Variants in KDM1A observed in about 807,000 individuals in gnomAD.
KDM1A encodes lysine demethylase 1A, also known as lysine-specific histone demethylase 1A.
Under a neutral mutation model 109.4 loss-of-function variants are expected in KDM1A, and 49 were observed. The ratio of observed to expected loss-of-function variants is 0.45; its 90% confidence interval spans 0.36 to 0.57. The LOEUF (loss-of-function observed/expected upper bound fraction) is 0.57, where lower values mean the gene tolerates loss of function less well. Among genes scored for constraint, KDM1A ranks in the 20% least tolerant of loss-of-function variants. The pLI is 0.00. For missense variants in KDM1A, 668 were observed against 1,116.6 expected, an observed-to-expected ratio of 0.60 and a Z score of 5.73; for synonymous variants, 380 against 415.4, an observed-to-expected ratio of 0.91 and a Z score of 1.04.
chr1:23,055,741 A>C (rs139566431), intron 6 of KDM1A, among the ~76,000 whole-genome samples, 191 bp from the exon 7 acceptor site: 4 of 152,352 alleles, frequency 2.6e-5, no homozygotes, highest in African/African-American at 9.6e-5. Context: ...TTCGACACTG[A>C]ATTTGAATTC....
chr1:23,076,763 A>G (rs941635205), intron 15 of KDM1A, among the ~76,000 whole-genome samples: 4 of 152,048 alleles, frequency 2.6e-5, no homozygotes, highest in African/African-American at 7.2e-5. Flanking sequence ...GGAGTTTGAG[A>G]CCAGCCTAGC....
Position 23,019,645 on chromosome 1 carries a change from G to A in KDM1A, c.49G>A (p.Ala17Thr). Residue 17 changes from alanine to threonine, a missense_variant, in exon 1 of 21, where the codon GCA becomes ACA. This residue lies in a region of KDM1A where 156 missense variants were observed against 163.4 expected (regional missense o/e 0.95). Transcript: ENST00000400181. ...AAAAAAAAAAAATGTEAGPGT... is the reference protein window; with the variant it reads ...AAAAAAAAAATATGTEAGPGT... ...AGCCGCGGCGGCGGCGGCTGCAGCG[G>A]CAGCAACCGGGACGGAGGCTGGCCC... The A allele has an allele frequency of 7.1e-7, 1 of 1,412,698 alleles. No individual in the cohort carries two copies. Among genetic ancestry groups the A allele is most frequent in the Non-Finnish European group, 9.2e-7 (1 of 1,090,708 alleles). The allele number at this position is 1,412,698 out of a possible 1,614,324, so 87.5% of individuals were successfully genotyped here.
chr1:23,067,082 A>T (rs776173759), intron 10 of KDM1A, among the ~76,000 whole-genome samples: 20 of 152,204 alleles, frequency 1.3e-4, no homozygotes, highest in Non-Finnish European at 2.6e-4. Flanking sequence ...TACCTTCCTG[A>T]TATAAATGGC....
chr1:23,065,053 T>C (rs886811943), intron 9 of KDM1A, among the ~76,000 whole-genome samples: 2 of 152,238 alleles, frequency 1.3e-5, no homozygotes, highest in South Asian at 4.1e-4. Context: ...TCTAATGTGG[T>C]ACTTAAAACC....
At position 23,081,739 on chromosome 1, in the gene KDM1A, A is replaced by G; in HGVS notation, c.2298+166A>G. 4 of 777,774 alleles carry G rather than the reference A, an allele frequency of 5.1e-6. No individual in the cohort carries two copies. In the South Asian group the frequency reaches 8.3e-5, roughly 16 times the overall value. 48.2% of individuals were successfully genotyped at this position (777,774 alleles called of 1,614,324 possible). On this transcript the variant is annotated intron_variant, in intron 19 of 20. Coordinates refer to ENST00000400181, the MANE Select transcript of KDM1A (RefSeq NM_001009999.3). ...TTCATGGCCTAAGCGTGGGGTTCAG[A>G]AAACCCCCCAGGACAAGAGCTGGGG... is the stretch of plus-strand genomic sequence containing the variant.
At chr1:23,032,851 G>A (rs140225331) in intron 2 of KDM1A, among the ~76,000 whole-genome samples, 1,967 of 152,322 alleles carry the variant, frequency 0.013, 13 homozygotes, top group Non-Finnish European at 0.023. Context: ...TTGAACGGAA[G>A]CATTGCTATA....
intron 3 of KDM1A, among the ~76,000 whole-genome samples, chr1:23,047,720 G>T (rs922649420): frequency 6.6e-6 from 1 of 152,052 alleles, no homozygotes; most frequent in South Asian, 2.1e-4. Context: ...GGGCAACATG[G>T]TGAAACCCCA....
intron 8 of KDM1A, 103 bp from the exon 9 acceptor site, chr1:23,058,970 G>C: frequency 1.6e-6 from 1 of 628,510 alleles, no homozygotes; most frequent in South Asian, 3.4e-5. Flanking sequence ...CATACTGTAA[G>C]CTTTTGAGCT....
chr1:23,040,002 T>A (rs1253225984), intron 2 of KDM1A, among the ~76,000 whole-genome samples: 2 of 152,268 alleles, frequency 1.3e-5, no homozygotes, highest in African/African-American at 4.8e-5. Context: ...CAAGTTGGCT[T>A]TAACTTTTGA....
At chr1:23,030,447 C>A in intron 1 of KDM1A, 22 bp from the exon 2 acceptor site, 2 of 1,478,910 alleles carry the variant, frequency 1.4e-6, no homozygotes, top group Non-Finnish European at 9.0e-7. Flanking sequence ...ATTTAGCTTT[C>A]CCTGGTATGA....
intron 12 of KDM1A, among the ~76,000 whole-genome samples, chr1:23,070,822 A>G (rs984405856): frequency 6.6e-6 from 1 of 152,074 alleles, no homozygotes; most frequent in Non-Finnish European, 1.5e-5. Flanking sequence ...AAAAAAAACA[A>G]ACACACACAT....
Position 23,083,174 on chromosome 1 carries a change from A to C in KDM1A, c.2446-5A>C. 1 of 1,604,310 alleles carries C rather than the reference A, an allele frequency of 6.2e-7. No homozygotes were observed. The highest frequency in any genetic ancestry group is 8.5e-7 in the Non-Finnish European group (1 of 1,172,312). ...TGCCAATTTTCTCTTTTTCCCCTAA[A>C]ATAGCCGATTCCACGACTCTTCTTT... On this transcript the variant is annotated splice_polypyrimidine_tract_variant and splice_region_variant and intron_variant, in intron 20 of 20. Coordinates refer to ENST00000400181, the MANE Select transcript of KDM1A (RefSeq NM_001009999.3).
At chr1:23,078,516 A>G (rs1371775966) in intron 16 of KDM1A, among the ~76,000 whole-genome samples, 2 of 152,248 alleles carry the variant, frequency 1.3e-5, no homozygotes, top group Non-Finnish European at 2.9e-5. Context: ...TGCATTCTCA[A>G]GCATAGCACG....
At chr1:23,061,698 C>T (rs772291288) in intron 9 of KDM1A, among the ~76,000 whole-genome samples, 3 of 151,454 alleles carry the variant, frequency 2.0e-5, no homozygotes, top group Non-Finnish European at 4.4e-5. Context: ...TGCTCTGTCA[C>T]CAGGCTGGAG....
At chr1:23,065,714 G>A (rs1643142246) in intron 9 of KDM1A, among the ~76,000 whole-genome samples, 1 of 152,078 alleles carries the variant, frequency 6.6e-6, no homozygotes, top group African/African-American at 2.4e-5. Flanking sequence ...TTGTTTGTTT[G>A]ATTTTGTTGT....
At chr1:23,035,199 T>TTTTG (rs917354913) in intron 2 of KDM1A, among the ~76,000 whole-genome samples, 9 of 152,162 alleles carry the variant, frequency 5.9e-5, no homozygotes, top group Non-Finnish European at 1.0e-4. Context: ...TGTAGGCTGT[T>TTTTG]TTTGTTTGTT....
intron 3 of KDM1A, among the ~76,000 whole-genome samples, chr1:23,048,623 T>A (rs1039485309): frequency 9.2e-5 from 14 of 152,322 alleles, no homozygotes; most frequent in Admixed American, 8.5e-4. Context: ...GGCCCATGAT[T>A]GGCATTAGGC....
chr1:23,041,947 G>A (rs945016261), intron 2 of KDM1A, among the ~76,000 whole-genome samples: 6 of 152,028 alleles, frequency 3.9e-5, no homozygotes, highest in Admixed American at 6.5e-5. Flanking sequence ...TATTGAGTAC[G>A]CAAGTCAGGG....
intron 4 of KDM1A, among the ~76,000 whole-genome samples, chr1:23,050,961 T>C (rs1350213711): frequency 2.0e-5 from 3 of 152,282 alleles, no homozygotes; most frequent in East Asian, 3.9e-4. Context: ...GGCAGGCACA[T>C]GTAGTCCCAG....
Sources: allele counts gnomAD v4.1 joint callset (sites outside exome capture counted in the v4.1 genomes callset), GRCh38; gene constraint gnomAD v4.1.1; regional missense constraint gnomAD v4.1.1; transcripts MANE v1.5; gene names NCBI Gene and HGNC (gene_info 2026-07-23, HGNC 2026-07-21).